Variants in DNAH11 observed in about 807,000 individuals in gnomAD.
DNAH11 encodes the protein dynein axonemal heavy chain 11, also known as axonemal beta dynein heavy chain 11.
A neutral mutation model predicts 526.0 loss-of-function variants in DNAH11; 442 were observed. The ratio of observed to expected loss-of-function variants is 0.84; its 90% CI spans 0.78 to 0.91. The LOEUF is 0.91. Ranked by LOEUF, DNAH11 falls within the 40% of genes least tolerant of loss-of-function variation. The probability of loss-of-function intolerance (pLI) is 0.00; values close to 1 mark genes in which losing one functional copy is unlikely to be tolerated. For missense variants in DNAH11, 6,989 were observed against 5,448.7 expected, an observed-to-expected ratio of 1.28 and a Z score of -8.90; for synonymous variants, 2,461 against 1,935.9, an observed-to-expected ratio of 1.27 and a Z score of -7.12.
chr7:21,836,279 C>G (rs1781994557), intron 65 of DNAH11, among the ~76,000 whole-genome samples: 1 of 151,992 alleles, frequency 6.6e-6, no homozygotes, highest in Non-Finnish European at 1.5e-5. Flanking sequence ...TCAGAGAAGA[C>G]TCCAAATAGC....
intron 49 of DNAH11, among the ~76,000 whole-genome samples, chr7:21,744,125 T>C (rs1562521990): frequency 6.6e-6 from 1 of 152,232 alleles, no homozygotes; most frequent in South Asian, 2.1e-4. Context: ...CTGTTTGTAC[T>C]CTGGTTTTGT....
chr7:21,687,579 T>G, intron 34 of DNAH11, 52 bp downstream of exon 34: 1 of 1,579,330 alleles, frequency 6.3e-7, no homozygotes, highest in South Asian at 1.2e-5. Context: ...CATGGAATAA[T>G]GCAGGTAACC....
At chr7:21,730,975 C>G (rs1325576532) in intron 45 of DNAH11, among the ~76,000 whole-genome samples, 1 of 152,084 alleles carries the variant, frequency 6.6e-6, no homozygotes, top group Admixed American at 6.6e-5. Flanking sequence ...GAAACCCGGT[C>G]TCTACTAAAA....
At chr7:21,696,466 T>C (rs1437498731) in intron 35 of DNAH11, among the ~76,000 whole-genome samples, 3 of 152,192 alleles carry the variant, frequency 2.0e-5, no homozygotes, top group Admixed American at 6.5e-5. Flanking sequence ...TGTCTAACTT[T>C]CTTGAAAAAT....
At chr7:21,849,335 T>C (rs192013593) in intron 66 of DNAH11, among the ~76,000 whole-genome samples, 4 of 152,392 alleles carry the variant, frequency 2.6e-5, no homozygotes, top group Admixed American at 2.6e-4. Context: ...TGTATTGCTT[T>C]TATTACTGTT....
intron 54 of DNAH11, among the ~76,000 whole-genome samples, chr7:21,763,921 G>T (rs1454919887): frequency 6.6e-6 from 1 of 151,742 alleles, no homozygotes; most frequent in Non-Finnish European, 1.5e-5. Context: ...CATGCTAAGT[G>T]AAATAAGCCA....
At chr7:21,611,956 A>G (rs2128451025) in intron 20 of DNAH11, among the ~76,000 whole-genome samples, 1 of 152,340 alleles carries the variant, frequency 6.6e-6, no homozygotes, top group South Asian at 2.1e-4. Flanking sequence ...TTTGCTTCTT[A>G]GAAAAGACTA....
chr7:21,666,303 C>T (rs1306802672), intron 30 of DNAH11, among the ~76,000 whole-genome samples: 1 of 151,998 alleles, frequency 6.6e-6, no homozygotes, highest in East Asian at 1.9e-4. Context: ...AATTTAATTT[C>T]CCAGATTTGA....
In DNAH11 at chr7:21,773,880, A is replaced by G. The variant is rs1277426854; in HGVS notation, c.9217A>G (p.Ser3073Gly). The change falls in exon 56 of 82, where the codon AGT becomes GGT. Residue 3073 changes from serine to glycine, a missense_variant. Coordinates refer to ENST00000409508, the MANE Select transcript of DNAH11 (RefSeq NM_001277115.2). ...ERRHNYTTPK[S>G]FLEQISLFKN... Reference sequence around the variant, plus strand: ...AAGACACAACTATACCACCCCAAAGAGTTTTCTAGAACAAATATCACTGTT... The same window carrying G: ...AAGACACAACTATACCACCCCAAAGGGTTTTCTAGAACAAATATCACTGTT... 6.2e-7 allele frequency: 1 copy of G among 1,605,094 alleles called. No homozygotes were observed. Among genetic ancestry groups the G allele is most frequent in the Non-Finnish European group, 8.5e-7 (1 of 1,175,812 alleles).
At chr7:21,734,090 A>C (rs1164845454) in intron 45 of DNAH11, among the ~76,000 whole-genome samples, 1 of 152,170 alleles carries the variant, frequency 6.6e-6, no homozygotes, top group Non-Finnish European at 1.5e-5. Context: ...AGAGCATTCT[A>C]TGTGTAGATA....
chr7:21,900,865 C>A (rs1784773285), intron 81 of DNAH11, 142 bp from the exon 82 acceptor site: 3 of 1,379,264 alleles, frequency 2.2e-6, no homozygotes, highest in Non-Finnish European at 2.9e-6. Flanking sequence ...CTCAGTCCGG[C>A]CAGCTCAGTA....
intron 74 of DNAH11, among the ~76,000 whole-genome samples, chr7:21,880,100 AAG>A (rs1562600327): frequency 6.8e-6 from 1 of 147,918 alleles, no homozygotes; most frequent in African/African-American, 2.5e-5. Context: ...AAAAAAAAAA[AAG>A]AAAGAAAGAA....
At chr7:21,771,945 A>G (rs144620701) in intron 55 of DNAH11, among the ~76,000 whole-genome samples, 3 of 152,342 alleles carry the variant, frequency 2.0e-5, no homozygotes, top group African/African-American at 4.8e-5. Context: ...TAGTTCTACA[A>G]TGACCCTTTT....
In DNAH11 at chr7:21,623,142, A is replaced by G. The variant is rs935129098; in HGVS notation, c.4500+3064A>G. Among the ~76,000 whole-genome samples the G allele has an allele frequency of 5.1e-4, 77 of 152,254 alleles. 1 individual carries two copies. Among genetic ancestry groups the G allele is most frequent in the African/African-American group, 1.8e-3 (74 of 41,536 alleles). On this transcript the variant is annotated intron_variant, in intron 25 of 81. Transcript: ENST00000409508. ...TACAAGAAAAAAACAACCCCATCAA[A>G]AAGTGGGCGAAGGACATGAACAGAC...
intron 48 of DNAH11, among the ~76,000 whole-genome samples, chr7:21,740,389 C>G (rs1013773051): frequency 3.3e-5 from 5 of 152,126 alleles, no homozygotes; most frequent in African/African-American, 1.2e-4. Context: ...TTTTCTCCTC[C>G]CCACTTTCCC....
At chr7:21,798,713 A>C (rs1444787954) in intron 61 of DNAH11, among the ~76,000 whole-genome samples, 4 of 152,224 alleles carry the variant, frequency 2.6e-5, no homozygotes, top group Non-Finnish European at 5.9e-5. Flanking sequence ...AGCATACAGC[A>C]GAGTTTTTCA....
intron 35 of DNAH11, among the ~76,000 whole-genome samples, chr7:21,697,250 G>A (rs1187102985): frequency 6.6e-6 from 1 of 151,964 alleles, no homozygotes; most frequent in African/African-American, 2.4e-5. Flanking sequence ...GCTGTGAATA[G>A]CAATTGTCTT....
At chr7:21,830,712 G>A (rs1790514698) in intron 65 of DNAH11, among the ~76,000 whole-genome samples, 1 of 151,932 alleles carries the variant, frequency 6.6e-6, no homozygotes, top group Non-Finnish European at 1.5e-5. Context: ...GATCTCTAGT[G>A]GCTCTTCTTG....
chr7:21,599,868 G>A lies in DNAH11; in HGVS notation c.2749G>A (p.Glu917Lys), dbSNP rs1196545673. ...AGAATTCATTGACGACATTGTGGTG[G>A]AAGGCTTTTTTCAGGCTATAATGCA... ...YVEFIDDIVVEGFFQAIMHDL... is the reference protein window; with the variant it reads ...YVEFIDDIVVKGFFQAIMHDL... The change falls in exon 15 of 82, where the codon GAA (glutamate) becomes AAA (lysine). Residue 917 changes from glutamate to lysine, a missense_variant. Coordinates refer to ENST00000409508, the MANE Select transcript of DNAH11 (RefSeq NM_001277115.2). 6.2e-7 allele frequency: 1 copy of A among 1,610,240 alleles called. No homozygotes were observed. The highest frequency in any genetic ancestry group is 8.5e-7 in the Non-Finnish European group (1 of 1,177,322).
Sources: allele counts gnomAD v4.1 joint callset (sites outside exome capture counted in the v4.1 genomes callset), GRCh38; gene constraint gnomAD v4.1.1; transcripts MANE v1.5; gene names NCBI Gene and HGNC (gene_info 2026-07-23, HGNC 2026-07-21).